The following CTNNA3 variants were observed in gnomAD, a reference collection of about 807,000 sequenced individuals.
CTNNA3 encodes the protein catenin alpha 3.
CTNNA3 carries 76 observed loss-of-function variants against 95.7 expected under a neutral mutation model. The ratio of observed to expected loss-of-function variants is 0.79; its 90% CI spans 0.66 to 0.96. The LOEUF (loss-of-function observed/expected upper bound fraction) is 0.96. CTNNA3 is among the 40% of genes least tolerant of loss of function. The probability of loss-of-function intolerance (pLI) is 0.00; values close to 1 mark genes in which losing one functional copy is unlikely to be tolerated. For synonymous variants in CTNNA3, 431 were observed against 374.4 expected (o/e 1.15, Z -1.74); for missense variants, 1,191 against 1,089.8 (o/e 1.09, Z -1.31).
intron 2 of CTNNA3, among the ~76,000 whole-genome samples, chr10:67,619,886 C>G (rs573244322): frequency 1.1e-3 from 174 of 152,226 alleles, no homozygotes; most frequent in African/African-American, 3.9e-3. Context: ...AATCTTGAAG[C>G]TCAATAATAC....
At chr10:67,230,872 G>C (rs1865163410) in intron 5 of CTNNA3, among the ~76,000 whole-genome samples, 1 of 152,194 alleles carries the variant, frequency 6.6e-6, no homozygotes, top group Non-Finnish European at 1.5e-5. Context: ...GAAGCGCAGG[G>C]GGTCAGGGAG....
intron 7 of CTNNA3, among the ~76,000 whole-genome samples, chr10:66,833,872 C>T (rs983646273): frequency 1.3e-5 from 2 of 152,216 alleles, no homozygotes; most frequent in East Asian, 3.8e-4. Context: ...CACACACACA[C>T]ACCAGCTTGC....
At chr10:66,311,501 A>T (rs1404837291) in intron 12 of CTNNA3, among the ~76,000 whole-genome samples, 3 of 152,216 alleles carry the variant, frequency 2.0e-5, no homozygotes, top group Non-Finnish European at 4.4e-5. Context: ...AGAGTACATG[A>T]CAGTGATCCA....
At chr10:66,910,657 C>T (rs565141798) in intron 7 of CTNNA3, among the ~76,000 whole-genome samples, 1 of 152,222 alleles carries the variant, frequency 6.6e-6, no homozygotes, top group South Asian at 2.1e-4. Context: ...GAGCAAAAAC[C>T]ATGAATAAGC....
intron 7 of CTNNA3, among the ~76,000 whole-genome samples, chr10:67,110,602 G>A (rs557156335): frequency 7.9e-5 from 12 of 152,208 alleles, no homozygotes; most frequent in Admixed American, 2.0e-4. Context: ...ACAAGCCTTA[G>A]ATGATCTCTA....
At chr10:66,889,975 GA>G (rs1275544994) in intron 7 of CTNNA3, among the ~76,000 whole-genome samples, 2 of 152,054 alleles carry the variant, frequency 1.3e-5, no homozygotes, top group Non-Finnish European at 2.9e-5. Context: ...ATTTTTAGTA[GA>G]AATGGGGTTT....
chr10:66,906,568 G>C (rs1325458366), intron 7 of CTNNA3, among the ~76,000 whole-genome samples: 7 of 152,086 alleles, frequency 4.6e-5, no homozygotes, highest in African/African-American at 1.2e-4. Context: ...AGGAATTGTA[G>C]ACTTATATTA....
intron 7 of CTNNA3, among the ~76,000 whole-genome samples, chr10:67,088,662 G>A (rs1857444853): frequency 6.6e-6 from 1 of 151,866 alleles, no homozygotes; most frequent in African/African-American, 2.4e-5. Flanking sequence ...GAACTCTTAA[G>A]TTTTTTTCAC....
intron 6 of CTNNA3, among the ~76,000 whole-genome samples, chr10:67,182,218 A>G (rs559720249): frequency 6.6e-6 from 1 of 152,298 alleles, no homozygotes; most frequent in Admixed American, 6.5e-5. Flanking sequence ...ACCAAAAAAG[A>G]GCCCACATCA....
rs962202979 is a variant in CTNNA3, at chr10:66,833,645, C to A, written c.1048-58121G>T. 3.3e-5 allele frequency among the ~76,000 whole-genome samples: 5 copies of A among 152,250 alleles called. No individual in the cohort carries two copies. In the East Asian group the frequency reaches 5.8e-4, roughly 18 times the overall value. On this transcript the variant is annotated intron_variant, in intron 7 of 17. Coordinates refer to ENST00000433211, the MANE Select transcript of CTNNA3 (RefSeq NM_013266.4). ...AGTAGTGTGTTCCTAGACACTTGCT[C>A]CAACACTTTTATGTTATTTCATCTG...
intron 7 of CTNNA3, among the ~76,000 whole-genome samples, chr10:66,949,445 C>A (rs1848428465): frequency 6.6e-6 from 1 of 152,064 alleles, no homozygotes; most frequent in African/African-American, 2.4e-5. Context: ...GTAATCCCAG[C>A]TACTTGGGAG....
At chr10:66,219,994 G>A (rs6480148) in intron 13 of CTNNA3, among the ~76,000 whole-genome samples, 17,857 of 151,926 alleles carry the variant, frequency 0.12, 1,104 homozygotes, top group Middle Eastern at 0.18. Flanking sequence ...ATGGTGGTGC[G>A]CACCTCTAAT....
At chr10:67,389,490 T>C (rs1415155589) in intron 5 of CTNNA3, among the ~76,000 whole-genome samples, 3 of 152,074 alleles carry the variant, frequency 2.0e-5, no homozygotes, top group South Asian at 4.2e-4. Flanking sequence ...CTGTCAACAT[T>C]AGACAGATCA....
At chr10:66,889,883 G>T (rs955964218) in intron 7 of CTNNA3, among the ~76,000 whole-genome samples, 1 of 150,656 alleles carries the variant, frequency 6.6e-6, no homozygotes, top group African/African-American at 2.4e-5. Flanking sequence ...CCCTGCCTCC[G>T]GGGTTCCAGC....
chr10:67,452,059 A>AAGGGAAGGAAGG (rs749951862), intron 5 of CTNNA3, among the ~76,000 whole-genome samples: 2 of 100,768 alleles, frequency 2.0e-5, no homozygotes, highest in Admixed American at 9.6e-5. Context: ...GGGAGGGAGG[A>AAGGGAAGGAAGG]ATGGAAGGAA....
At chr10:67,178,101 G>C (rs962606820) in intron 7 of CTNNA3, among the ~76,000 whole-genome samples, 2 of 152,074 alleles carry the variant, frequency 1.3e-5, no homozygotes, top group African/African-American at 4.8e-5. Context: ...GCCTCCGAGT[G>C]ACTTCCTGGG....
intron 9 of CTNNA3, among the ~76,000 whole-genome samples, chr10:66,672,336 C>T (rs918082845): frequency 6.6e-6 from 1 of 152,092 alleles, no homozygotes; most frequent in African/African-American, 2.4e-5. Flanking sequence ...AGATTTTCTG[C>T]TCTTACGGAG....
intron 11 of CTNNA3, among the ~76,000 whole-genome samples, chr10:66,411,638 C>G (rs139776470): frequency 6.6e-6 from 1 of 152,020 alleles, no homozygotes; most frequent in South Asian, 2.1e-4. Context: ...AGAGAGTCTA[C>G]ATTTTATTAA....
chr10:66,415,058 C>T (rs72806800), intron 11 of CTNNA3, among the ~76,000 whole-genome samples: 7,502 of 152,168 alleles, frequency 0.049, 260 homozygotes, highest in East Asian at 0.11. Flanking sequence ...GTACCACCCT[C>T]AACCCCCACT....
Sources: allele counts gnomAD v4.1 joint callset (sites outside exome capture counted in the v4.1 genomes callset), GRCh38; gene constraint gnomAD v4.1.1; transcripts MANE v1.5; gene names NCBI Gene and HGNC (gene_info 2026-07-23, HGNC 2026-07-21).